Variants in AGBL4 observed in about 807,000 individuals in gnomAD.
The protein encoded by AGBL4 is cytosolic carboxypeptidase 6.
Under a neutral mutation model 66.4 loss-of-function variants are expected in AGBL4, and 58 were observed. The observed-to-expected ratio is 0.87, with a 90% CI of 0.71 to 1.09. The LOEUF is 1.09. Among genes scored for constraint, AGBL4 ranks in the 50% least tolerant of loss-of-function variants. The pLI is 0.00. For synonymous variants in AGBL4, 234 were observed against 222.9 expected, an observed-to-expected ratio of 1.05 and a Z score of -0.44; for missense variants, 579 against 631.0, an observed-to-expected ratio of 0.92 and a Z score of 0.88.
At chr1:48,818,565 T>C (rs972177672) in intron 6 of AGBL4, among the ~76,000 whole-genome samples, 2 of 152,202 alleles carry the variant, frequency 1.3e-5, no homozygotes, top group Non-Finnish European at 2.9e-5. Context: ...GAATTTTTTA[T>C]AATGGTGAAA....
intron 3 of AGBL4, among the ~76,000 whole-genome samples, chr1:49,624,002 A>AGTGTGTGT (rs34356093): frequency 0.024 from 3,588 of 149,416 alleles, 120 homozygotes; most frequent in African/African-American, 0.084. Context: ...GATGAGAGAG[A>AGTGTGTGT]GTGTGTGTGT....
At chr1:49,727,559 CAT>C (rs564709577) in intron 2 of AGBL4, among the ~76,000 whole-genome samples, 126 of 152,136 alleles carry the variant, frequency 8.3e-4, no homozygotes, top group African/African-American at 2.9e-3. Context: ...TATTGAAATG[CAT>C]ATGATTGACA....
chr1:49,458,039 G>A lies in AGBL4; in HGVS notation c.283-212175C>T, dbSNP rs1012322370. On this transcript the variant is annotated intron_variant, in intron 3 of 13. Coordinates refer to ENST00000371839, the MANE Select transcript of AGBL4 (RefSeq NM_032785.4). The stretch of plus-strand genomic sequence containing the variant: ...TTTTGCTTAGTCTTGTTTTTGGCTC[G>A]TTTTTGGCTCCATATGAATTTTAGG... Among the ~76,000 whole-genome samples, 4 of 150,714 alleles carry A rather than the reference G, an allele frequency of 2.7e-5. 1 individual carries two copies. The highest frequency in any genetic ancestry group is 5.9e-5 in the Non-Finnish European group (4 of 67,248).
intron 9 of AGBL4, among the ~76,000 whole-genome samples, chr1:48,633,453 A>G (rs542234838): frequency 6.6e-6 from 1 of 152,330 alleles, no homozygotes; most frequent in South Asian, 2.1e-4. Flanking sequence ...GTCATGGGTC[A>G]TAAAATCAGT....
At chr1:48,893,705 A>AATAAATAAATAAATAAAT (rs1553120621) in intron 5 of AGBL4, among the ~76,000 whole-genome samples, 1,743 of 148,410 alleles carry the variant, frequency 0.012, 29 homozygotes, top group South Asian at 0.034. Context: ...TAAATAAATA[A>AATAAATAAATAAATAAAT]AAAGATAAAA....
intron 2 of AGBL4, among the ~76,000 whole-genome samples, chr1:49,697,871 C>A (rs2124617185): frequency 6.6e-6 from 1 of 152,286 alleles, no homozygotes; most frequent in Non-Finnish European, 1.5e-5. Context: ...ATTTTTACAA[C>A]AGGCATATAT....
chr1:49,011,391 G>C (rs1363391796), intron 5 of AGBL4, among the ~76,000 whole-genome samples: 8 of 152,132 alleles, frequency 5.3e-5, no homozygotes, highest in African/African-American at 1.9e-4. Context: ...ACAGGTGCTG[G>C]AGAGGGTGTG....
chr1:48,868,619 C>A (rs1281108880), intron 5 of AGBL4, among the ~76,000 whole-genome samples: 1 of 152,096 alleles, frequency 6.6e-6, no homozygotes, highest in African/African-American at 2.4e-5. Context: ...ATAAAAAGAT[C>A]TATGCAGTAT....
intron 6 of AGBL4, among the ~76,000 whole-genome samples, chr1:48,689,203 C>CAAAAAAAAAAAAAAAA (rs939955179): frequency 3.8e-5 from 2 of 53,314 alleles, no homozygotes; most frequent in Admixed American, 2.1e-4. Flanking sequence ...GACCCGGTCT[C>CAAAAAAAAAAAAAAAA]AAAAAAAAAA....
intron 3 of AGBL4, among the ~76,000 whole-genome samples, chr1:49,483,872 C>A (rs1647008196): frequency 6.6e-6 from 1 of 151,658 alleles, no homozygotes; most frequent in Non-Finnish European, 1.5e-5. Flanking sequence ...AATTAATAAA[C>A]AGAATATATA....
At chr1:48,772,481 C>T (rs539902223) in intron 6 of AGBL4, among the ~76,000 whole-genome samples, 5 of 152,118 alleles carry the variant, frequency 3.3e-5, no homozygotes, top group East Asian at 1.9e-4. Flanking sequence ...CAAAGGAGTG[C>T]GAGAGAGTGT....
chr1:49,551,883 G>A (rs913438765), intron 3 of AGBL4, among the ~76,000 whole-genome samples: 12 of 152,138 alleles, frequency 7.9e-5, no homozygotes, highest in African/African-American at 2.4e-4. Context: ...TTTGTCTTTA[G>A]TTACCAGGTG....
chr1:48,833,211 A>C (rs1332464768), intron 6 of AGBL4, among the ~76,000 whole-genome samples: 2 of 152,168 alleles, frequency 1.3e-5, no homozygotes, highest in Non-Finnish European at 2.9e-5. Context: ...TTTGAGGTGC[A>C]AGTTAGACAT....
intron 3 of AGBL4, among the ~76,000 whole-genome samples, chr1:49,247,006 C>A (rs1010987676): frequency 6.6e-6 from 1 of 151,916 alleles, no homozygotes; most frequent in Non-Finnish European, 1.5e-5. Context: ...AATATTAACA[C>A]CCTCATTTAA....
intron 5 of AGBL4, among the ~76,000 whole-genome samples, chr1:48,914,794 G>A (rs961492704): frequency 6.6e-6 from 1 of 152,186 alleles, no homozygotes; most frequent in Non-Finnish European, 1.5e-5. Context: ...GGCAAGACAA[G>A]TGTAGTGCCC....
intron 3 of AGBL4, among the ~76,000 whole-genome samples, chr1:49,375,666 A>G (rs1644458227): frequency 6.6e-6 from 1 of 152,132 alleles, no homozygotes; most frequent in African/African-American, 2.4e-5. Context: ...GGAAGGTTAC[A>G]GAAGCAATAT....
At chr1:49,833,413 G>A (rs1385608931) in intron 2 of AGBL4, among the ~76,000 whole-genome samples, 5 of 152,124 alleles carry the variant, frequency 3.3e-5, no homozygotes, top group African/African-American at 1.2e-4. Flanking sequence ...AGTATAGTTT[G>A]AAGTCAGGTA....
rs372588410 is a variant in AGBL4 at position 49,431,272 on chromosome 1, T to TA, written c.283-185409dup. On this transcript the variant is annotated intron_variant, in intron 3 of 13. Coordinates refer to ENST00000371839, the MANE Select transcript of AGBL4 (RefSeq NM_032785.4). ...TAATTCATGAGATATGTTAAGTTCA[T>TA]AAAAAAACTCCATGTAAATATAAAG... Among the ~76,000 whole-genome samples, 654 of 152,248 alleles carry TA rather than the reference T, an allele frequency of 4.3e-3. 6 individuals are homozygous for TA. Among genetic ancestry groups the TA allele is most frequent in the African/African-American group, 0.015 (612 of 41,554 alleles).
intron 6 of AGBL4, among the ~76,000 whole-genome samples, chr1:48,708,894 A>C (rs1214707607): frequency 6.6e-6 from 1 of 152,142 alleles, no homozygotes; most frequent in Non-Finnish European, 1.5e-5. Context: ...CTGCATACTC[A>C]GTCCTGGGGA....
Sources: gnomAD v4.1 joint callset for allele counts (sites outside exome capture counted in the v4.1 genomes callset) on GRCh38, gnomAD v4.1.1 for gene constraint, MANE v1.5 for transcripts, NCBI Gene and HGNC (gene_info 2026-07-23, HGNC 2026-07-21) for gene names.